The following RBPMS2 variants were observed in gnomAD, a reference collection of about 807,000 sequenced individuals.
RBPMS2 encodes RNA binding protein, mRNA processing factor 2.
Under a neutral mutation model 25.7 loss-of-function variants are expected in RBPMS2, and 14 were observed. That is an observed-to-expected ratio of 0.55 (90% CI 0.36 to 0.85). RBPMS2 has a LOEUF of 0.85. RBPMS2 is among the 40% of genes least tolerant of loss of function. RBPMS2 has a pLI of 0.01. For synonymous variants in RBPMS2, 127 were observed against 115.6 expected, an observed-to-expected ratio of 1.10 and a Z score of -0.63; for missense variants, 252 against 283.4, an observed-to-expected ratio of 0.89 and a Z score of 0.80.
chr15:64,750,931 G>A (rs140313770), intron 2 of RBPMS2, among the ~76,000 whole-genome samples: 1,789 of 152,120 alleles, frequency 0.012, 11 homozygotes, highest in Middle Eastern at 0.02. Context: ...CCAGCTACTC[G>A]GGAGGCAGAG....
chr15:64,751,023 G>T (rs867784224), intron 2 of RBPMS2, among the ~76,000 whole-genome samples: 1 of 149,952 alleles, frequency 6.7e-6, no homozygotes, highest in African/African-American at 2.5e-5. Context: ...AACTGAGTGA[G>T]ACTCTGTCTC....
At chr15:64,743,119 C>G (rs1446741623) in intron 6 of RBPMS2, among the ~76,000 whole-genome samples, 3 of 152,228 alleles carry the variant, frequency 2.0e-5, no homozygotes, top group Non-Finnish European at 4.4e-5. Flanking sequence ...CTTCATGTAG[C>G]CTCCGGCAGC....
chr15:64,745,499 T>C (rs2083610540), intron 6 of RBPMS2, among the ~76,000 whole-genome samples: 1 of 152,102 alleles, frequency 6.6e-6, no homozygotes, highest in Non-Finnish European at 1.5e-5. Context: ...CACTGGTAAA[T>C]GGGTGAACCA....
intron 6 of RBPMS2, among the ~76,000 whole-genome samples, chr15:64,746,919 G>T (rs929142472): frequency 6.6e-6 from 1 of 152,138 alleles, no homozygotes; most frequent in Non-Finnish European, 1.5e-5. Context: ...TGCCTCCCAG[G>T]GCCTTGCAGT....
chr15:64,765,217 ACT>A (rs547085663), intron 1 of RBPMS2, among the ~76,000 whole-genome samples: 1,738 of 114,434 alleles, frequency 0.015, 21 homozygotes, highest in Middle Eastern at 0.028. Context: ...ACAGAGCGAG[ACT>A]CTGTCTCAAA....
At chr15:64,751,921 C>T (rs1250537878) in intron 1 of RBPMS2, among the ~76,000 whole-genome samples, 2 of 152,004 alleles carry the variant, frequency 1.3e-5, no homozygotes, top group Admixed American at 6.6e-5. Flanking sequence ...AAAAAGAAAG[C>T]CCTGTTTGAT....
intron 1 of RBPMS2, among the ~76,000 whole-genome samples, chr15:64,759,898 C>A (rs911692488): frequency 6.6e-6 from 1 of 152,172 alleles, no homozygotes; most frequent in Non-Finnish European, 1.5e-5. Context: ...GTCTTGAACT[C>A]CTGACCTCAA....
At position 64,774,871 on chromosome 15, in the gene RBPMS2, T is replaced by C. The variant is rs528060773; in HGVS notation, c.87+362A>G. ...GGCGGGGTCCTGGCCACGCAGGAGG[T>C]GCGCCTCGGAGGAGGGCGGCGAGCG... is the stretch of plus-strand genomic sequence containing the variant. On this transcript the variant is annotated intron_variant, in intron 1 of 7. Coordinates refer to ENST00000300069, the MANE Select transcript of RBPMS2 (RefSeq NM_194272.3). Among the ~76,000 whole-genome samples the C allele has an allele frequency of 3.6e-4, 54 of 151,270 alleles. 1 individual carries two copies. The South Asian group carries it at 0.01, about 29-fold the overall frequency.
chr15:64,744,501 T>A (rs2083594708), intron 6 of RBPMS2, among the ~76,000 whole-genome samples: 1 of 145,094 alleles, frequency 6.9e-6, no homozygotes, highest in East Asian at 2.1e-4. Context: ...GAGGTTGAGG[T>A]GAGCTAAGAT....
chr15:64,749,440 A>G lies in RBPMS2; in HGVS notation c.258T>C (p.Asn86=), dbSNP rs917786932. The G allele has an allele frequency of 1.2e-6, 2 of 1,613,608 alleles. No individual in the cohort carries two copies. The highest frequency in any genetic ancestry group is 1.7e-5 in the Admixed American group (1 of 59,884). ...DSRAGAEAAK[N]ALNGIRFDPE... is the part of the protein sequence containing the mutation. ...TTCTCCACCTACTCACGTTCAGCGC[A>G]TTCTTGGCCGCTTCTGCTCCTGCAC... Residue 86 remains asparagine, a synonymous_variant, in exon 4 of 8, where the codon AAT becomes AAC. Transcript: ENST00000300069.
At chr15:64,773,888 T>C (rs1175978132) in intron 1 of RBPMS2, among the ~76,000 whole-genome samples, 3 of 152,198 alleles carry the variant, frequency 2.0e-5, no homozygotes. Flanking sequence ...CAAGGGCCTT[T>C]TGGCATCAAG....
intron 1 of RBPMS2, among the ~76,000 whole-genome samples, chr15:64,768,628 A>G (rs1595795985): frequency 6.7e-6 from 1 of 149,266 alleles, no homozygotes; most frequent in African/African-American, 2.5e-5. Flanking sequence ...ACAAAGCAAG[A>G]CTCTGTCTCG....
chr15:64,750,231 G>T, intron 3 of RBPMS2, 112 bp downstream of exon 3: 1 of 930,306 alleles, frequency 1.1e-6, no homozygotes, highest in Admixed American at 1.7e-5. Flanking sequence ...AACAGGGAGC[G>T]CAAGTCTGTA....
rs1244980645 is a variant in RBPMS2, at chr15:64,775,336, C to T, written c.-17G>A. 3.2e-6 allele frequency: 4 copies of T among 1,260,182 alleles called. No homozygotes were observed. The highest frequency in any genetic ancestry group is 6.8e-5 in the East Asian group (2 of 29,224). 78.1% of individuals were successfully genotyped at this position (1,260,182 alleles called of 1,614,324 possible). A position where few individuals can be genotyped will look rare whatever the true frequency, so the allele number is the denominator to read the frequency against. On this transcript the variant is annotated 5_prime_UTR_variant, in exon 1 of 8. Coordinates refer to ENST00000300069, the MANE Select transcript of RBPMS2 (RefSeq NM_194272.3). ...GTTGCTCATGGTGCGGGGGAGGGGG[C>T]GGCGGGAAGGAACGCGAGGGCGAGC...
At chr15:64,756,531 G>A in intron 1 of RBPMS2, among the ~76,000 whole-genome samples, 1 of 149,194 alleles carries the variant, frequency 6.7e-6, no homozygotes, top group African/African-American at 2.5e-5. Flanking sequence ...AAAAAAAAAA[G>A]GCAAAGAGAA....
chr15:64,759,366 C>G (rs550860376), intron 1 of RBPMS2, among the ~76,000 whole-genome samples: 1 of 152,304 alleles, frequency 6.6e-6, no homozygotes, highest in African/African-American at 2.4e-5. Context: ...GGTCACCCAG[C>G]CCTCTCTTTC....
intron 1 of RBPMS2, among the ~76,000 whole-genome samples, chr15:64,757,968 A>C (rs2083749598): frequency 6.6e-6 from 1 of 152,196 alleles, no homozygotes; most frequent in South Asian, 2.1e-4. Flanking sequence ...CAACAGAGCA[A>C]GACCCTACCT....
In RBPMS2 at chr15:64,775,375, C is replaced by G; in HGVS notation, c.-56G>C. On this transcript the variant is annotated 5_prime_UTR_variant, in exon 1 of 8. Coordinates refer to ENST00000300069, the MANE Select transcript of RBPMS2 (RefSeq NM_194272.3). Reference sequence around the variant, plus strand: ...GCGAGGGCGAGCGCGGCGCCGGCCCCGCGGGAAGTGGGAAGGGGCGCGGGG... The same window carrying G: ...GCGAGGGCGAGCGCGGCGCCGGCCCGGCGGGAAGTGGGAAGGGGCGCGGGG... The G allele has an allele frequency of 9.2e-7, 1 of 1,090,644 alleles. No individual in the cohort carries two copies. Among genetic ancestry groups the G allele is most frequent in the Non-Finnish European group, 1.2e-6 (1 of 861,998 alleles). The allele number at this position is 1,090,644 out of a possible 1,614,324, so 67.6% of individuals were successfully genotyped here.
At chr15:64,761,500 T>C (rs935155545) in intron 1 of RBPMS2, among the ~76,000 whole-genome samples, 6 of 152,124 alleles carry the variant, frequency 3.9e-5, no homozygotes, top group African/African-American at 1.4e-4. Context: ...ACCAACCCAC[T>C]CAGACCCAGT....
Sources: allele counts gnomAD v4.1 joint callset (sites outside exome capture counted in the v4.1 genomes callset), GRCh38; gene constraint gnomAD v4.1.1; transcripts MANE v1.5; gene names NCBI Gene and HGNC (gene_info 2026-07-23, HGNC 2026-07-21).